Variants in CA8 observed in about 807,000 individuals in gnomAD.
CA8 encodes the protein carbonic anhydrase-related protein.
CA8 carries 22 observed loss-of-function variants against 41.4 expected under a neutral mutation model. The ratio of observed to expected loss-of-function variants is 0.53; its 90% CI spans 0.38 to 0.76. The LOEUF (loss-of-function observed/expected upper bound fraction) is 0.76, where lower values mean the gene tolerates loss of function less well. CA8 is among the 30% of genes least tolerant of loss of function. CA8 has a pLI of 0.00. For missense variants in CA8, 270 were observed against 352.8 expected (o/e 0.77, Z 1.88); for synonymous variants, 121 against 130.6 (o/e 0.93, Z 0.50).
At chr8:60,217,432 C>T (rs545207597) in intron 7 of CA8, among the ~76,000 whole-genome samples, 14 of 152,316 alleles carry the variant, frequency 9.2e-5, no homozygotes, top group Admixed American at 7.2e-4. Flanking sequence ...CTCTAACCAT[C>T]ACATGAGTCT....
intron 7 of CA8, among the ~76,000 whole-genome samples, chr8:60,212,900 AG>A (rs1411073931): frequency 3.3e-5 from 5 of 152,208 alleles, no homozygotes; most frequent in Non-Finnish European, 1.5e-5. Context: ...TATAAAAGTT[AG>A]TGCTCTCACT....
intron 7 of CA8, among the ~76,000 whole-genome samples, chr8:60,209,824 C>T (rs1806771966): frequency 6.6e-6 from 1 of 152,186 alleles, no homozygotes; most frequent in African/African-American, 2.4e-5. Context: ...GGTCCCATGG[C>T]TTCCCCACTG....
chr8:60,228,461 T>C (rs530309275), intron 4 of CA8, among the ~76,000 whole-genome samples: 56 of 152,304 alleles, frequency 3.7e-4, no homozygotes, highest in Middle Eastern at 6.8e-3. Context: ...GCATCTCCTG[T>C]TGGGTTGTAA....
At position 60,208,783 on chromosome 8, in the gene CA8, G is replaced by T. The variant is rs1806730759; in HGVS notation, c.*2C>A. The T allele has an allele frequency of 6.2e-7, 1 of 1,614,036 alleles. No individual in the cohort carries two copies. The highest frequency in any genetic ancestry group is 8.5e-7 in the Non-Finnish European group (1 of 1,179,996). The stretch of plus-strand genomic sequence containing the variant: ...AGACAGACTTGTTCCTGTCCTCTTT[G>T]GCTACTGAAATGCAGCTCTAATGAC... On this transcript the variant is annotated 3_prime_UTR_variant, in exon 8 of 9. Transcript: ENST00000317995.
intron 2 of CA8, among the ~76,000 whole-genome samples, chr8:60,279,238 G>C (rs1804333136): frequency 6.6e-6 from 1 of 152,334 alleles, no homozygotes; most frequent in Non-Finnish European, 1.5e-5. Flanking sequence ...AACTAATACA[G>C]TAGAGAAAAT....
chr8:60,258,084 T>C (rs1803609415), intron 3 of CA8, among the ~76,000 whole-genome samples: 1 of 152,218 alleles, frequency 6.6e-6, no homozygotes, highest in Non-Finnish European at 1.5e-5. Flanking sequence ...AGAGCATGAA[T>C]CCTTCCTCTC....
Position 60,255,295 on chromosome 8 carries a change from C to A in CA8, c.417+10630G>T, listed in dbSNP as rs1255772346. Reference sequence around the variant, plus strand: ...CCCCGCCTAATTCTGGACAGACACTCTTCTCTCGAATTAAGCTATGTCTCC... The same window carrying A: ...CCCCGCCTAATTCTGGACAGACACTATTCTCTCGAATTAAGCTATGTCTCC... On this transcript the variant is annotated intron_variant, in intron 3 of 8. Coordinates refer to ENST00000317995, the MANE Select transcript of CA8 (RefSeq NM_004056.6). Among the ~76,000 whole-genome samples the A allele has an allele frequency of 2.7e-5, 4 of 147,664 alleles. No homozygotes were observed. The East Asian group carries it at 8.6e-4, about 32-fold the overall frequency.
chr8:60,216,896 T>G (rs528050665), intron 7 of CA8, among the ~76,000 whole-genome samples: 2 of 152,190 alleles, frequency 1.3e-5, no homozygotes, highest in Non-Finnish European at 2.9e-5. Flanking sequence ...AACATTTTTG[T>G]TTTTGAGATG....
intron 7 of CA8, among the ~76,000 whole-genome samples, chr8:60,214,513 T>A (rs1806949882): frequency 6.6e-6 from 1 of 152,202 alleles, no homozygotes; most frequent in Admixed American, 6.5e-5. Flanking sequence ...CCCAATCATT[T>A]GAAGTGATTG....
intron 3 of CA8, among the ~76,000 whole-genome samples, chr8:60,250,214 T>C (rs1185552010): frequency 3.3e-5 from 5 of 152,188 alleles, no homozygotes. Flanking sequence ...TAAGTAAATA[T>C]CAGCTGCTGC....
chr8:60,193,989 C>G (rs1479623709), intron 8 of CA8, among the ~76,000 whole-genome samples: 1 of 152,088 alleles, frequency 6.6e-6, no homozygotes, highest in African/African-American at 2.4e-5. Flanking sequence ...TTGCCTTTTG[C>G]TGTAATTTCT....
chr8:60,217,933 T>G (rs1807078491), intron 7 of CA8, among the ~76,000 whole-genome samples: 1 of 152,208 alleles, frequency 6.6e-6, no homozygotes, highest in Non-Finnish European at 1.5e-5. Context: ...AATTCGGTCA[T>G]ATCTCTCTCC....
At chr8:60,221,995 C>A (rs1182011527) in intron 7 of CA8, among the ~76,000 whole-genome samples, 3 of 152,042 alleles carry the variant, frequency 2.0e-5, no homozygotes, top group African/African-American at 7.2e-5. Flanking sequence ...TACACAGATC[C>A]CTGAAAGACA....
At chr8:60,276,805 A>G (rs1289349988) in intron 2 of CA8, among the ~76,000 whole-genome samples, 3 of 152,184 alleles carry the variant, frequency 2.0e-5, no homozygotes, top group African/African-American at 4.8e-5. Context: ...GAGTGAAATC[A>G]TAAGAAAGAG....
At chr8:60,245,610 C>T (rs1037031217) in intron 3 of CA8, among the ~76,000 whole-genome samples, 5 of 152,184 alleles carry the variant, frequency 3.3e-5, no homozygotes, top group African/African-American at 9.7e-5. Context: ...AGGCAATCAA[C>T]TTATTTTAAA....
intron 8 of CA8, chr8:60,208,457 C>T (rs904760297): frequency 5.3e-6 from 2 of 378,844 alleles, no homozygotes; most frequent in Admixed American, 3.8e-5. Context: ...GGTATGCATG[C>T]ATGTCACTTT....
At chr8:60,199,465 A>C (rs1806364152) in intron 8 of CA8, among the ~76,000 whole-genome samples, 1 of 152,168 alleles carries the variant, frequency 6.6e-6, no homozygotes. Flanking sequence ...GTTCCTAATA[A>C]AACTCATAAA....
At chr8:60,198,444 C>T (rs1806338784) in intron 8 of CA8, among the ~76,000 whole-genome samples, 2 of 152,118 alleles carry the variant, frequency 1.3e-5, no homozygotes, top group African/African-American at 2.4e-5. Flanking sequence ...TTATAAAACG[C>T]TAAACTTAGC....
intron 7 of CA8, among the ~76,000 whole-genome samples, chr8:60,217,350 C>T (rs1006210094): frequency 1.3e-5 from 2 of 152,172 alleles, no homozygotes; most frequent in African/African-American, 4.8e-5. Context: ...TAGTCCTTAA[C>T]TGAATGTGTG....
Sources: allele counts gnomAD v4.1 joint callset (sites outside exome capture counted in the v4.1 genomes callset), GRCh38; gene constraint gnomAD v4.1.1; transcripts MANE v1.5; gene names NCBI Gene and HGNC (gene_info 2026-07-23, HGNC 2026-07-21).